SLC4A5: variants seen among roughly 807,000 people sequenced by gnomAD.
SLC4A5 encodes solute carrier family 4 member 5.
A neutral mutation model predicts 120.4 loss-of-function variants in SLC4A5; 96 were observed. The observed-to-expected ratio is 0.80, with a 90% confidence interval of 0.68 to 0.94. The LOEUF (loss-of-function observed/expected upper bound fraction) is 0.94. SLC4A5 is among the 40% of genes least tolerant of loss of function. The pLI is 0.00. For synonymous variants in SLC4A5, 550 were observed against 571.1 expected (o/e 0.96, Z 0.53); for missense variants, 1,259 against 1,459.5 (o/e 0.86, Z 2.24).
At chr2:74,287,592 C>T (rs575791898) in intron 7 of SLC4A5, among the ~76,000 whole-genome samples, 10 of 152,260 alleles carry the variant, frequency 6.6e-5, no homozygotes, top group Non-Finnish European at 1.2e-4. Context: ...GTCTCAAGTG[C>T]GGCATCCTTC....
At chr2:74,290,685 G>C in intron 7 of SLC4A5, 1 of 984,536 alleles carries the variant, frequency 1.0e-6, no homozygotes, top group Non-Finnish European at 1.2e-6. Flanking sequence ...GAGAGGGTGA[G>C]AGAGAAATCT....
At chr2:74,328,788 G>A (rs1448659886) in intron 4 of SLC4A5, among the ~76,000 whole-genome samples, 1 of 152,176 alleles carries the variant, frequency 6.6e-6, no homozygotes, top group South Asian at 2.1e-4. Context: ...TTATCACATT[G>A]CAAGTACCTA....
chr2:74,319,180 G>C (rs1183658164), intron 5 of SLC4A5, among the ~76,000 whole-genome samples: 1 of 152,134 alleles, frequency 6.6e-6, no homozygotes, highest in Non-Finnish European at 1.5e-5. Flanking sequence ...TGGACATGTA[G>C]AGTGAAATAA....
chr2:74,224,706 C>T (rs1694779953), intron 28 of SLC4A5, 134 bp downstream of exon 28: 1 of 1,247,298 alleles, frequency 8.0e-7, no homozygotes, highest in Non-Finnish European at 1.1e-6. Context: ...CAAGCAGATG[C>T]CCCAGCCCAT....
intron 12 of SLC4A5, among the ~76,000 whole-genome samples, chr2:74,258,443 G>T (rs781698467): frequency 1.3e-5 from 2 of 152,234 alleles, no homozygotes; most frequent in Non-Finnish European, 2.9e-5. Context: ...ATTAAAACAG[G>T]TTATAAAAAA....
rs116506001 is a variant in SLC4A5, at chr2:74,237,622, A to G, written c.2319+1713T>C. ...AGATTTTATCATTATGATTAGTAGC[A>G]GTAGCAGCTGTAATACTTAGTTAAG... On this transcript the variant is annotated intron_variant, in intron 21 of 30. Transcript: ENST00000394019. Among the ~76,000 whole-genome samples the G allele has an allele frequency of 6.3e-3, 960 of 152,314 alleles. 15 individuals are homozygous for G. The highest frequency in any genetic ancestry group is 0.022 in the African/African-American group (906 of 41,554).
chr2:74,275,525 C>T (rs894002982), intron 8 of SLC4A5, among the ~76,000 whole-genome samples: 7 of 152,120 alleles, frequency 4.6e-5, no homozygotes, highest in African/African-American at 1.7e-4. Context: ...CAGGAGAGGC[C>T]CTCTCCTCAC....
chr2:74,227,940 C>A (rs1307321917), intron 25 of SLC4A5, 62 bp from the exon 26 acceptor site: 3 of 1,333,600 alleles, frequency 2.2e-6, no homozygotes, highest in South Asian at 2.9e-5. Flanking sequence ...CCACCCTGTT[C>A]TGGATGACAG....
intron 6 of SLC4A5, 30 bp from the exon 7 acceptor site, chr2:74,304,710 G>C: frequency 6.3e-7 from 1 of 1,577,710 alleles, no homozygotes; most frequent in South Asian, 1.2e-5. Context: ...GACAGGGGAG[G>C]CAGGGTTACT....
chr2:74,293,318 T>C (rs1412435411), intron 7 of SLC4A5, among the ~76,000 whole-genome samples: 2 of 152,142 alleles, frequency 1.3e-5, no homozygotes, highest in East Asian at 1.9e-4. Flanking sequence ...GAATCCTTCC[T>C]GGGGTGGGTG....
intron 27 of SLC4A5, among the ~76,000 whole-genome samples, 200 bp from the exon 28 acceptor site, chr2:74,225,195 G>C (rs770270233): frequency 2.0e-5 from 3 of 152,146 alleles, no homozygotes; most frequent in Non-Finnish European, 4.4e-5. Flanking sequence ...TGGCCCCTCA[G>C]GTGAGTGACC....
chr2:74,264,381 A>G, intron 9 of SLC4A5, 82 bp from the exon 10 acceptor site: 1 of 1,481,254 alleles, frequency 6.8e-7, no homozygotes, highest in East Asian at 2.3e-5. Flanking sequence ...ACCTGTTATT[A>G]GTGGGATTAA....
chr2:74,250,607 G>A (rs974598046), intron 16 of SLC4A5, 90 bp from the exon 17 acceptor site: 56 of 1,500,164 alleles, frequency 3.7e-5, no homozygotes, highest in African/African-American at 4.2e-5. Flanking sequence ...AGTCTGGGGC[G>A]AGGAAAGGAA....
chr2:74,309,497 T>C (rs1040245172), intron 6 of SLC4A5, among the ~76,000 whole-genome samples: 1 of 152,186 alleles, frequency 6.6e-6, no homozygotes, highest in Non-Finnish European at 1.5e-5. Context: ...TTATGTTGTC[T>C]ATTCTGGGTC....
At chr2:74,230,282 G>A (rs1471080995) in intron 25 of SLC4A5, among the ~76,000 whole-genome samples, 2 of 152,246 alleles carry the variant, frequency 1.3e-5, no homozygotes, top group Non-Finnish European at 2.9e-5. Flanking sequence ...ATTGGCTGGA[G>A]TGGAGAGCAG....
In SLC4A5 at chr2:74,252,501, CA is replaced by C. The variant is rs57932417; in HGVS notation, c.1269-114del. On this transcript the variant is annotated intron_variant, in intron 15 of 30. Transcript: ENST00000394019. Reference sequence around the variant, plus strand: ...GACAAAAATGCAGAAAATTGTCTAACAATATCCACACGCAGGTCACCTAGAT... The same window carrying C: ...GACAAAAATGCAGAAAATTGTCTAACATATCCACACGCAGGTCACCTAGAT... The C allele has an allele frequency of 3.1e-4, 397 of 1,275,074 alleles. 1 individual carries two copies. The African/African-American group carries it at 5.2e-3, about 17-fold the overall frequency. 79.0% of individuals were successfully genotyped at this position (1,275,074 alleles called of 1,614,324 possible).
chr2:74,280,902 G>A (rs1414530139), intron 8 of SLC4A5, among the ~76,000 whole-genome samples: 2 of 152,080 alleles, frequency 1.3e-5, no homozygotes, highest in African/African-American at 2.4e-5. Flanking sequence ...GGCCAGGCTG[G>A]TCTTGAACTC....
At chr2:74,251,852 C>T (rs1363206619) in intron 16 of SLC4A5, among the ~76,000 whole-genome samples, 5 of 152,224 alleles carry the variant, frequency 3.3e-5, no homozygotes, top group African/African-American at 1.2e-4. Context: ...AACTCCTGGC[C>T]TCCAGAACTG....
exon 31 of SLC4A5, chr2:74,217,754 G>A (rs1052281075): frequency 6.6e-6 from 1 of 152,182 alleles, no homozygotes; most frequent in African/African-American, 2.4e-5. Context: ...TTTCAATCTG[G>A]GAAAGCCCCA....
Sources: allele counts gnomAD v4.1 joint callset (sites outside exome capture counted in the v4.1 genomes callset), GRCh38; gene constraint gnomAD v4.1.1; transcripts MANE v1.5; gene names NCBI Gene and HGNC (gene_info 2026-07-23, HGNC 2026-07-21).